Variants in TCF23 observed in about 807,000 individuals in gnomAD.
TCF23 encodes the protein class A basic helix-loop-helix protein 24.
Under a neutral mutation model 13.0 loss-of-function variants are expected in TCF23, and 7 were observed. The observed-to-expected ratio is 0.54, with a 90% confidence interval of 0.31 to 1.01. The LOEUF is 1.01. Ranked by LOEUF, TCF23 falls within the 50% of genes least tolerant of loss-of-function variation. The pLI is 0.06. For missense variants in TCF23, 257 were observed against 289.8 expected (o/e 0.89, Z 0.82); for synonymous variants, 122 against 119.5 (o/e 1.02, Z -0.14).
Position 27,153,004 on chromosome 2 carries a change from A to G in TCF23, c.*137A>G. The stretch of plus-strand genomic sequence containing the variant: ...TTCCAGCATGCAGACCAAGAGAAGC[A>G]GTAGCACTTCTGTGATGGACAGTAC... On this transcript the variant is annotated 3_prime_UTR_variant, in exon 3 of 3. Coordinates refer to ENST00000296096, the MANE Select transcript of TCF23 (RefSeq NM_175769.3). The G allele has an allele frequency of 1.3e-6, 2 of 1,499,734 alleles. No individual in the cohort carries two copies. Among genetic ancestry groups the G allele is most frequent in the Non-Finnish European group, 1.8e-6 (2 of 1,128,548 alleles). 92.9% of individuals were successfully genotyped at this position (1,499,734 alleles called of 1,614,324 possible).
At chr2:27,149,551 GCTCAGA>G (rs1672728209) in intron 1 of TCF23, among the ~76,000 whole-genome samples, 196 bp downstream of exon 1, 1 of 152,144 alleles carries the variant, frequency 6.6e-6, no homozygotes, top group Non-Finnish European at 1.5e-5. Context: ...CCAGAGTGCA[GCTCAGA>G]GAGCTGCACT....
In TCF23 at chr2:27,155,386, C is replaced by T. The variant is rs1461237217; in HGVS notation, c.*2519C>T. ...GACAAGCACAGTAATGCCCTTGAGA[C>T]ATGTCAGGACTTGGATGCGTGAATG... On this transcript the variant is annotated 3_prime_UTR_variant, in exon 3 of 3. Transcript: ENST00000296096. The T allele has an allele frequency of 6.6e-6, 1 of 152,304 alleles. No homozygotes were observed. Among genetic ancestry groups the T allele is most frequent in the Non-Finnish European group, 1.5e-5 (1 of 68,118 alleles). 9.4% of individuals were successfully genotyped at this position (152,304 alleles called of 1,614,324 possible).
intron 1 of TCF23, chr2:27,149,909 C>G (rs1329592918): frequency 5.5e-6 from 4 of 722,628 alleles, no homozygotes; most frequent in African/African-American, 5.3e-5. Context: ...GCTCTGCCAT[C>G]CTGCAGCCAT....
chr2:27,149,802 T>G, intron 1 of TCF23: 1 of 653,716 alleles, frequency 1.5e-6, no homozygotes, highest in Non-Finnish European at 2.9e-6. Flanking sequence ...CACACCCTGA[T>G]AAGCAGGATT....
At position 27,153,166 on chromosome 2, in the gene TCF23, T is replaced by G; in HGVS notation, c.*299T>G. On this transcript the variant is annotated 3_prime_UTR_variant, in exon 3 of 3. Coordinates refer to ENST00000296096, the MANE Select transcript of TCF23 (RefSeq NM_175769.3). ...TCAAAGTTGAGGTAGGGAACCACCCTAGCTTTCTTCCCCTAAGGTTTCTAC... is the reference window on the plus strand; with the variant it reads ...TCAAAGTTGAGGTAGGGAACCACCCGAGCTTTCTTCCCCTAAGGTTTCTAC... 2.7e-6 allele frequency: 1 copy of G among 369,392 alleles called. No homozygotes were observed. Among genetic ancestry groups the G allele is most frequent in the Non-Finnish European group, 4.3e-6 (1 of 231,702 alleles). 22.9% of individuals were successfully genotyped at this position (369,392 alleles called of 1,614,324 possible). A position where few individuals can be genotyped will look rare whatever the true frequency, so the allele number is the denominator to read the frequency against.
At chr2:27,151,612 G>A (rs1297425403) in intron 2 of TCF23, among the ~76,000 whole-genome samples, 1 of 150,870 alleles carries the variant, frequency 6.6e-6, no homozygotes, top group African/African-American at 2.4e-5. Context: ...GGGATTACAG[G>A]TGTGAGCCAC....
rs1019964958 is a variant in TCF23 at position 27,154,403 on chromosome 2, G to A, written c.*1536G>A. Reference sequence around the variant, plus strand: ...TTGTTGTTATCATGAATGTAAGTGAGCTCTGGGCAGGCTGGGAATGGTTGG... The same window carrying A: ...TTGTTGTTATCATGAATGTAAGTGAACTCTGGGCAGGCTGGGAATGGTTGG... On this transcript the variant is annotated 3_prime_UTR_variant, in exon 3 of 3. Coordinates refer to ENST00000296096, the MANE Select transcript of TCF23 (RefSeq NM_175769.3). The A allele has an allele frequency of 2.6e-5, 4 of 152,314 alleles. No individual in the cohort carries two copies. The highest frequency in any genetic ancestry group is 5.9e-5 in the Non-Finnish European group (4 of 68,120). 9.4% of individuals were successfully genotyped at this position (152,314 alleles called of 1,614,324 possible).
Position 27,153,169 on chromosome 2 carries a change from C to T in TCF23, c.*302C>T. 1 of 350,386 alleles carries T rather than the reference C, an allele frequency of 2.9e-6. No individual in the cohort carries two copies. The highest frequency in any genetic ancestry group is 4.6e-6 in the Non-Finnish European group (1 of 215,126). The allele number at this position is 350,386 out of a possible 1,614,324, so 21.7% of individuals were successfully genotyped here. A position where few individuals can be genotyped will look rare whatever the true frequency, so the allele number is the denominator to read the frequency against. On this transcript the variant is annotated 3_prime_UTR_variant, in exon 3 of 3. Transcript: ENST00000296096. ...AAGTTGAGGTAGGGAACCACCCTAG[C>T]TTTCTTCCCCTAAGGTTTCTACAAA... is the stretch of plus-strand genomic sequence containing the variant.
intron 2 of TCF23, among the ~76,000 whole-genome samples, chr2:27,152,079 G>A (rs1007722532): frequency 6.6e-6 from 1 of 152,156 alleles, no homozygotes; most frequent in African/African-American, 2.4e-5. Context: ...AGTTTCCTTC[G>A]CTGTAAAATA....
rs1427947389 is a variant in TCF23, at chr2:27,150,761, T to C, written c.465+396T>C. Among the ~76,000 whole-genome samples the C allele has an allele frequency of 1.3e-5, 2 of 152,168 alleles. No homozygotes were observed. The highest frequency in any genetic ancestry group is 2.9e-5 in the Non-Finnish European group (2 of 68,032). Reference sequence around the variant, plus strand: ...TGCCTGCCTTGGTGCTTTCTAGGCTTCTGTTGCAAGAGAGGTCTGTCCTCC... The same window carrying C: ...TGCCTGCCTTGGTGCTTTCTAGGCTCCTGTTGCAAGAGAGGTCTGTCCTCC... On this transcript the variant is annotated intron_variant, in intron 2 of 2. Transcript: ENST00000296096. This position sits in a 1 kb window ranked among gnomAD's most constrained non-coding sequence, Gnocchi z 4.1.
At chr2:27,152,495 C>G (rs979401840) in intron 2 of TCF23, among the ~76,000 whole-genome samples, 193 bp from the exon 3 acceptor site, 2 of 152,182 alleles carry the variant, frequency 1.3e-5, no homozygotes, top group African/African-American at 4.8e-5. Flanking sequence ...CCTCCTGTGT[C>G]TCTCATCCAG....
Position 27,152,985 on chromosome 2 carries a change from C to T in TCF23, c.*118C>T. 1 of 1,521,530 alleles carries T rather than the reference C, an allele frequency of 6.6e-7. No individual in the cohort carries two copies. The highest frequency in any genetic ancestry group is 8.8e-7 in the Non-Finnish European group (1 of 1,137,232). The allele number at this position is 1,521,530 out of a possible 1,614,324, so 94.3% of individuals were successfully genotyped here. ...CTCAGACTCAGCTCCCAAGTTCCAG[C>T]ATGCAGACCAAGAGAAGCAGTAGCA... On this transcript the variant is annotated 3_prime_UTR_variant, in exon 3 of 3. Coordinates refer to ENST00000296096, the MANE Select transcript of TCF23 (RefSeq NM_175769.3).
Position 27,152,891 on chromosome 2 carries a change from T to C in TCF23, c.*24T>C. 6.2e-7 allele frequency: 1 copy of C among 1,602,038 alleles called. No individual in the cohort carries two copies. Among genetic ancestry groups the C allele is most frequent in the Non-Finnish European group, 8.5e-7 (1 of 1,171,980 alleles). On this transcript the variant is annotated 3_prime_UTR_variant, in exon 3 of 3. Transcript: ENST00000296096. ...AATTATCACACTCGCCCTTTTCTCC[T>C]AGACTGTGACTCATGCTTATGGGCC...
rs990531731 is a variant in TCF23, at chr2:27,149,180, G to A, written c.47G>A (p.Gly16Glu). Residue 16 changes from glycine (G) to glutamate (E), a missense_variant, in exon 1 of 3, where the codon GGG becomes GAG. Physicochemically the swap from Gly to Glu is moderately conservative, Grantham distance 98. Coordinates refer to ENST00000296096, the MANE Select transcript of TCF23 (RefSeq NM_175769.3). Reference sequence around the variant, plus strand: ...GGGCCACCAGCCATGCCAGGGGTGGGGCATAGCCAGACTCAGGCCAAAGCA... The same window carrying A: ...GGGCCACCAGCCATGCCAGGGGTGGAGCATAGCCAGACTCAGGCCAAAGCA... ...ARGPPAMPGV[G>E]HSQTQAKARL... 6.4e-7 allele frequency: 1 copy of A among 1,551,588 alleles called. No individual in the cohort carries two copies. Among genetic ancestry groups the A allele is most frequent in the African/African-American group, 1.4e-5 (1 of 73,090 alleles).
chr2:27,150,004 C>T lies in TCF23; in HGVS notation c.223-119C>T. ...GATGACGTAGGTGGGCAGAGGCCCT[C>T]TGGTGCCTACTGCTAGACACCCTTC... On this transcript the variant is annotated intron_variant, in intron 1 of 2. Transcript: ENST00000296096. This position sits in a 1 kb window ranked among gnomAD's most constrained non-coding sequence, Gnocchi z 4.1. 2 of 1,474,794 alleles carry T rather than the reference C, an allele frequency of 1.4e-6. No homozygotes were observed. The highest frequency in any genetic ancestry group is 1.8e-6 in the Non-Finnish European group (2 of 1,100,272). The allele number at this position is 1,474,794 out of a possible 1,614,324, so 91.4% of individuals were successfully genotyped here.
intron 2 of TCF23, among the ~76,000 whole-genome samples, chr2:27,151,837 C>T (rs895530142): frequency 2.3e-4 from 34 of 150,638 alleles, no homozygotes; most frequent in African/African-American, 8.3e-4. Context: ...GACGGGGTCT[C>T]ACTTTGTTCC....
rs1456386130 is a variant in TCF23 at position 27,156,889 on chromosome 2, A to C, written c.*4022A>C. 6.6e-6 allele frequency: 1 copy of C among 152,288 alleles called. No individual in the cohort carries two copies. The highest frequency in any genetic ancestry group is 2.4e-5 in the African/African-American group (1 of 41,470). The allele number at this position is 152,288 out of a possible 1,614,324, so 9.4% of individuals were successfully genotyped here. On this transcript the variant is annotated 3_prime_UTR_variant, in exon 3 of 3. Coordinates refer to ENST00000296096, the MANE Select transcript of TCF23 (RefSeq NM_175769.3). ...CCCCTAAAAGCTTATTCTATTCTAG[A>C]TCAAGGTAGGCAAACTATGGCCAGT...
chr2:27,150,090 G>C lies in TCF23; in HGVS notation c.223-33G>C. 6.3e-7 allele frequency: 1 copy of C among 1,579,922 alleles called. No individual in the cohort carries two copies. Among genetic ancestry groups the C allele is most frequent in the Non-Finnish European group, 8.6e-7 (1 of 1,164,978 alleles). On this transcript the variant is annotated intron_variant, in intron 1 of 2. Transcript: ENST00000296096. The surrounding 1 kb of genome is among the most constrained non-coding windows in gnomAD (Gnocchi z 4.1). ...AGAAGTCAGGGCAGTTGGGAGTCCA[G>C]GTCACACACACTCACTGGGGCCCTC... is the stretch of plus-strand genomic sequence containing the variant.
At position 27,150,937 on chromosome 2, in the gene TCF23, A is replaced by G. The variant is rs2148429601; in HGVS notation, c.465+572A>G. Among the ~76,000 whole-genome samples the G allele has an allele frequency of 6.6e-6, 1 of 152,380 alleles. No individual in the cohort carries two copies. The highest frequency in any genetic ancestry group is 6.5e-5 in the Admixed American group (1 of 15,310). Reference sequence around the variant, plus strand: ...TTTATTACACGTAAAATAGAAGCTAACATGAGCCTTACTTCTCTTCCAGAG... The same window carrying G: ...TTTATTACACGTAAAATAGAAGCTAGCATGAGCCTTACTTCTCTTCCAGAG... On this transcript the variant is annotated intron_variant, in intron 2 of 2. Coordinates refer to ENST00000296096, the MANE Select transcript of TCF23 (RefSeq NM_175769.3). This position sits in a 1 kb window ranked among gnomAD's most constrained non-coding sequence, Gnocchi z 4.1.
Sources: gnomAD v4.1 joint callset for allele counts (sites outside exome capture counted in the v4.1 genomes callset) on GRCh38, gnomAD v4.1.1 for gene constraint, Gnocchi (gnomAD v3.1) non-coding constraint, MANE v1.5 for transcripts, NCBI Gene and HGNC (gene_info 2026-07-23, HGNC 2026-07-21) for gene names.